RANBP2: variants seen among roughly 807,000 people sequenced by gnomAD.
RANBP2 encodes RAN binding protein 2, also known as E3 SUMO-protein ligase RanBP2.
RANBP2 carries 57 observed loss-of-function variants against 303.6 expected under a neutral mutation model. That is an observed-to-expected ratio of 0.19 (90% confidence interval 0.15 to 0.23). The LOEUF (loss-of-function observed/expected upper bound fraction) is 0.23. Ranked by LOEUF, RANBP2 falls within the 10% of genes least tolerant of loss-of-function variation. RANBP2 has a pLI of 1.00. For missense variants in RANBP2, 3,138 were observed against 3,780.8 expected, an observed-to-expected ratio of 0.83 and a Z score of 4.46; for synonymous variants, 1,167 against 1,301.5, an observed-to-expected ratio of 0.90 and a Z score of 2.23.
the RANBP2 span, among the ~76,000 whole-genome samples, chr2:109,480,675 G>C: frequency 6.6e-6 from 1 of 152,168 alleles, no homozygotes; most frequent in Non-Finnish European, 1.5e-5. Context: ...CTGGCATGTG[G>C]AGGGGTGGAG....
the RANBP2 span, among the ~76,000 whole-genome samples, chr2:109,288,670 G>A: frequency 2.0e-5 from 3 of 152,096 alleles, no homozygotes; most frequent in Non-Finnish European, 2.9e-5. Context: ...ACTCAATTAC[G>A]TTTTTTTCTC....
At chr2:109,264,436 C>G in the RANBP2 span, among the ~76,000 whole-genome samples, 1 of 152,232 alleles carries the variant, frequency 6.6e-6, no homozygotes, top group Non-Finnish European at 1.5e-5. Flanking sequence ...CGATCCACCC[C>G]AAGTCTGTGT....
At chr2:109,000,549 A>T in the RANBP2 span, among the ~76,000 whole-genome samples, 5 of 152,192 alleles carry the variant, frequency 3.3e-5, no homozygotes, top group Admixed American at 3.3e-4. Flanking sequence ...AAACAAACAA[A>T]AACCCAAAAT....
the RANBP2 span, among the ~76,000 whole-genome samples, chr2:109,652,076 C>T: frequency 1.3e-5 from 2 of 152,166 alleles, no homozygotes; most frequent in Non-Finnish European, 2.9e-5. Context: ...GGCAGCTGCA[C>T]GGTAGTGGGT....
the RANBP2 span, chr2:108,812,695 TAGATA>T: frequency 1.2e-6 from 2 of 1,610,628 alleles, no homozygotes; most frequent in Non-Finnish European, 1.7e-6. Context: ...CAAGCTCGTT[TAGATA>T]ATTTACAGGT....
the RANBP2 span, among the ~76,000 whole-genome samples, chr2:108,804,209 A>C: frequency 6.6e-6 from 1 of 152,290 alleles, no homozygotes; most frequent in African/African-American, 2.4e-5. Context: ...ACTTGTTTTA[A>C]AGCTTTATAA....
chr2:109,203,545 G>C, the RANBP2 span, among the ~76,000 whole-genome samples: 4 of 152,248 alleles, frequency 2.6e-5, no homozygotes, highest in East Asian at 7.7e-4. Context: ...CATGCATTTG[G>C]AGCCCTCTGG....
the RANBP2 span, among the ~76,000 whole-genome samples, chr2:109,020,034 A>G: frequency 1.3e-5 from 2 of 152,188 alleles, no homozygotes; most frequent in Admixed American, 1.3e-4. Context: ...TGTTGAAGGG[A>G]ACAACTCTGT....
At chr2:108,740,089 T>A (rs1319591153) in intron 6 of RANBP2, among the ~76,000 whole-genome samples, 12 of 152,366 alleles carry the variant, frequency 7.9e-5, no homozygotes, top group Admixed American at 5.2e-4. Context: ...TATTTACTTA[T>A]AATTTGGAAA....
At chr2:108,990,399 C>T in the RANBP2 span, among the ~76,000 whole-genome samples, 1 of 145,614 alleles carries the variant, frequency 6.9e-6, no homozygotes, top group Non-Finnish European at 1.5e-5. Context: ...CCACTGCAGT[C>T]CGCAGTCCGG....
chr2:109,461,677 G>A, the RANBP2 span, among the ~76,000 whole-genome samples: 23 of 150,230 alleles, frequency 1.5e-4, no homozygotes, highest in African/African-American at 5.2e-4. Flanking sequence ...AAAGACCTGC[G>A]CGGTGATCCA....
chr2:108,905,130 G>A, the RANBP2 span, among the ~76,000 whole-genome samples: 1 of 152,190 alleles, frequency 6.6e-6, no homozygotes, highest in Admixed American at 6.5e-5. Flanking sequence ...GGCAGATTGG[G>A]TGGGCTGGAT....
chr2:109,411,742 C>T, the RANBP2 span, among the ~76,000 whole-genome samples: 2 of 152,224 alleles, frequency 1.3e-5, no homozygotes, highest in Non-Finnish European at 1.5e-5. Flanking sequence ...ACGGGAGCCA[C>T]GCTCAGCCAT....
the RANBP2 span, among the ~76,000 whole-genome samples, chr2:109,533,823 CT>C: frequency 1.3e-5 from 2 of 152,170 alleles, no homozygotes; most frequent in African/African-American, 2.4e-5. Context: ...TATTCCTGAA[CT>C]CCCACAGTTC....
At chr2:108,721,076 G>A (rs1694205934) in intron 1 of RANBP2, among the ~76,000 whole-genome samples, 2 of 152,064 alleles carry the variant, frequency 1.3e-5, no homozygotes, top group African/African-American at 4.8e-5. Flanking sequence ...AAAAAACCCG[G>A]AAACTCACGG....
chr2:109,326,744 C>G, the RANBP2 span, among the ~76,000 whole-genome samples: 1 of 152,232 alleles, frequency 6.6e-6, no homozygotes, highest in African/African-American at 2.4e-5. Context: ...TTTACTGCCA[C>G]TGTTCTAAGT....
chr2:109,590,526 G>A, the RANBP2 span, among the ~76,000 whole-genome samples: 7 of 152,064 alleles, frequency 4.6e-5, no homozygotes, highest in South Asian at 1.0e-3. Flanking sequence ...CTGCCTCCTG[G>A]GTTCAAATGA....
At chr2:109,293,145 G>A in the RANBP2 span, among the ~76,000 whole-genome samples, 1 of 152,222 alleles carries the variant, frequency 6.6e-6, no homozygotes, top group African/African-American at 2.4e-5. Flanking sequence ...TGGGACACAG[G>A]GACAGAGCTC....
chr2:109,415,052 A>G, the RANBP2 span, among the ~76,000 whole-genome samples: 7 of 152,144 alleles, frequency 4.6e-5, no homozygotes, highest in Non-Finnish European at 5.9e-5. Flanking sequence ...GGCGTGGTGG[A>G]AGCAGAGGCT....
Sources: allele counts gnomAD v4.1 joint callset (sites outside exome capture counted in the v4.1 genomes callset), GRCh38; gene constraint gnomAD v4.1.1; transcripts MANE v1.5; gene names NCBI Gene and HGNC (gene_info 2026-07-23, HGNC 2026-07-21).